The following SNX29 variants were observed in gnomAD, a reference collection of about 807,000 sequenced individuals.
SNX29 encodes the protein sorting nexin-29.
Under a neutral mutation model 102.1 loss-of-function variants are expected in SNX29, and 78 were observed. That is an observed-to-expected ratio of 0.76 (90% CI 0.64 to 0.92). The LOEUF (loss-of-function observed/expected upper bound fraction) is 0.92, where lower values mean the gene tolerates loss of function less well. SNX29 is among the 40% of genes least tolerant of loss of function. SNX29 has a pLI of 0.00. For missense variants in SNX29, 1,280 were observed against 1,061.7 expected (o/e 1.21, Z -2.86); for synonymous variants, 580 against 414.5 (o/e 1.40, Z -4.85).
chr16:12,533,155 G>A (rs2076977519), intron 20 of SNX29, among the ~76,000 whole-genome samples: 1 of 152,226 alleles, frequency 6.6e-6, no homozygotes, highest in Non-Finnish European at 1.5e-5. Flanking sequence ...TGCCAGGCAG[G>A]GCCTCTCTCT....
intron 18 of SNX29, among the ~76,000 whole-genome samples, chr16:12,465,042 C>G (rs1052874812): frequency 6.6e-6 from 1 of 152,064 alleles, no homozygotes; most frequent in African/African-American, 2.4e-5. Flanking sequence ...CTATGTGTGT[C>G]TTCTTTGGAA....
At chr16:12,325,071 C>A (rs116431318) in intron 15 of SNX29, among the ~76,000 whole-genome samples, 1 of 152,122 alleles carries the variant, frequency 6.6e-6, no homozygotes, top group East Asian at 1.9e-4. Context: ...AATGTAACTG[C>A]CCCCAGTTTT....
intron 19 of SNX29, among the ~76,000 whole-genome samples, chr16:12,505,732 T>C (rs2151905249): frequency 8.1e-6 from 1 of 124,204 alleles, no homozygotes; most frequent in Non-Finnish European, 1.6e-5. Flanking sequence ...TTAGTTTTTA[T>C]ATGAATTTTT....
Position 11,999,510 on chromosome 16 carries a change from A to G in SNX29, c.69+152A>G, listed in dbSNP as rs183668020. 1.8e-4 allele frequency: 144 copies of G among 817,982 alleles called. 1 individual carries two copies. In the East Asian group the frequency reaches 2.9e-3, roughly 16 times the overall value. 50.7% of individuals were successfully genotyped at this position (817,982 alleles called of 1,614,324 possible). ...CTACTCATTTTTCCCAGGAAATGAT[A>G]GAGCAGTGAACACGGTCAAGGTTGG... On this transcript the variant is annotated intron_variant, in intron 2 of 20. Coordinates refer to ENST00000566228, the MANE Select transcript of SNX29 (RefSeq NM_032167.5).
At chr16:12,286,147 TG>T (rs2079588813) in intron 15 of SNX29, among the ~76,000 whole-genome samples, 1 of 150,488 alleles carries the variant, frequency 6.6e-6, no homozygotes, top group Non-Finnish European at 1.5e-5. Flanking sequence ...CTGTCCTGTT[TG>T]TTTTTTTTTT....
chr16:12,537,090 CA>C (rs1278646443), intron 20 of SNX29, among the ~76,000 whole-genome samples: 2 of 152,192 alleles, frequency 1.3e-5, no homozygotes, highest in Non-Finnish European at 2.9e-5. Flanking sequence ...CATGTATCTC[CA>C]CCCACGGTCA....
At chr16:12,534,493 C>T (rs1459078595) in intron 20 of SNX29, among the ~76,000 whole-genome samples, 2 of 152,174 alleles carry the variant, frequency 1.3e-5, no homozygotes, top group African/African-American at 2.4e-5. Flanking sequence ...GTTTGTTTTG[C>T]TTTTAGCAGC....
At chr16:12,550,470 G>A (rs1340657317) in intron 20 of SNX29, among the ~76,000 whole-genome samples, 1 of 151,862 alleles carries the variant, frequency 6.6e-6, no homozygotes, top group Non-Finnish European at 1.5e-5. Flanking sequence ...GGGAGGTGGA[G>A]GTTGGAGTGA....
At chr16:12,296,210 CTGCCTTCCTGGTGTT>C (rs2079975913) in intron 15 of SNX29, among the ~76,000 whole-genome samples, 1 of 152,188 alleles carries the variant, frequency 6.6e-6, no homozygotes, top group Non-Finnish European at 1.5e-5. Flanking sequence ...ATCATAATGA[CTGCCTTCCTGGTGTT>C]AGAGGTTTGA....
rs549740039 is a variant in SNX29, at chr16:12,169,167, G to A, written c.1596-30434G>A. ...CCACTGAATCGTATGCTTGAACTGG[G>A]TGAATTGTTTGGTATGTGAATTGTA... On this transcript the variant is annotated intron_variant, in intron 13 of 20. Transcript: ENST00000566228. Among the ~76,000 whole-genome samples the A allele has an allele frequency of 4.6e-5, 7 of 152,308 alleles. No homozygotes were observed. The South Asian group carries it at 1.5e-3, about 32-fold the overall frequency.
At chr16:12,312,081 C>T (rs1041367939) in intron 15 of SNX29, among the ~76,000 whole-genome samples, 1 of 152,180 alleles carries the variant, frequency 6.6e-6, no homozygotes, top group African/African-American at 2.4e-5. Context: ...GGTGGCTGCT[C>T]TGAGCTGCAA....
In SNX29 at chr16:12,569,546, C is replaced by G. The variant is rs952234583; in HGVS notation, c.*917C>G. ...TATGAAGTTGGACCCAGTGTGGACACTTAACAGATCATGTGTCTCTCCACT... is the reference window on the plus strand; with the variant it reads ...TATGAAGTTGGACCCAGTGTGGACAGTTAACAGATCATGTGTCTCTCCACT... On this transcript the variant is annotated 3_prime_UTR_variant, in exon 21 of 21. Transcript: ENST00000566228. 4 of 231,416 alleles carry G rather than the reference C, an allele frequency of 1.7e-5. No homozygotes were observed. The highest frequency in any genetic ancestry group is 8.8e-5 in the African/African-American group (4 of 45,232). The allele number at this position is 231,416 out of a possible 1,614,324, so 14.3% of individuals were successfully genotyped here.
chr16:12,504,806 T>C (rs1361775017), intron 19 of SNX29, among the ~76,000 whole-genome samples: 4 of 152,272 alleles, frequency 2.6e-5, no homozygotes, highest in African/African-American at 7.2e-5. Context: ...TTTGGTGCTA[T>C]CCACAGTTTC....
At chr16:12,052,336 C>T (rs2050342903) in intron 8 of SNX29, 114 bp downstream of exon 8, 3 of 1,216,168 alleles carry the variant, frequency 2.5e-6, no homozygotes, top group South Asian at 1.4e-5. Flanking sequence ...CCTGCCTCAG[C>T]CTCCCGAGTA....
intron 18 of SNX29, among the ~76,000 whole-genome samples, chr16:12,458,435 G>A (rs1407100218): frequency 6.6e-6 from 1 of 152,180 alleles, no homozygotes; most frequent in Non-Finnish European, 1.5e-5. Flanking sequence ...GACACTGAGT[G>A]GTCTTGCTTC....
chr16:12,367,119 C>CT (rs2082514310), intron 16 of SNX29: 1 of 152,256 alleles, frequency 6.6e-6, no homozygotes, highest in African/African-American at 2.4e-5. Context: ...CAGCATATGG[C>CT]TGACCCCTGA....
At chr16:12,369,346 G>A (rs1193018741) in intron 16 of SNX29, among the ~76,000 whole-genome samples, 1 of 151,964 alleles carries the variant, frequency 6.6e-6, no homozygotes, top group East Asian at 1.9e-4. Context: ...ATGTTGGCCA[G>A]GCTGGTCTTG....
chr16:12,269,019 G>A (rs1172123913), intron 14 of SNX29, among the ~76,000 whole-genome samples: 2 of 152,206 alleles, frequency 1.3e-5, no homozygotes, highest in Non-Finnish European at 2.9e-5. Flanking sequence ...TGATGGTACT[G>A]ACTAACCCAC....
At chr16:12,553,808 G>T (rs139447900) in intron 20 of SNX29, among the ~76,000 whole-genome samples, 1 of 151,832 alleles carries the variant, frequency 6.6e-6, no homozygotes, top group Non-Finnish European at 1.5e-5. Flanking sequence ...GGCTAGTCTC[G>T]AACTCCTGAC....
Sources: allele counts gnomAD v4.1 joint callset (sites outside exome capture counted in the v4.1 genomes callset), GRCh38; gene constraint gnomAD v4.1.1; transcripts MANE v1.5; gene names NCBI Gene and HGNC (gene_info 2026-07-23, HGNC 2026-07-21).